CLVS1: variants seen among roughly 807,000 people sequenced by gnomAD.
CLVS1 encodes the protein clavesin-1.
Under a neutral mutation model 33.1 loss-of-function variants are expected in CLVS1, and 10 were observed. The ratio of observed to expected loss-of-function variants is 0.30; its 90% CI spans 0.19 to 0.51. CLVS1 has a LOEUF of 0.51. Ranked by LOEUF, CLVS1 falls within the 20% of genes least tolerant of loss-of-function variation. The pLI is 0.97. For synonymous variants in CLVS1, 163 were observed against 166.1 expected (o/e 0.98, Z 0.14); for missense variants, 343 against 433.4 (o/e 0.79, Z 1.85).
intron 2 of CLVS1, among the ~76,000 whole-genome samples, chr8:61,146,199 CTTG>C (rs977313492): frequency 7.2e-5 from 11 of 152,176 alleles, no homozygotes; most frequent in African/African-American, 2.7e-4. Context: ...AGGACTTCAG[CTTG>C]TTATTAGCTG....
intron 2 of CLVS1, among the ~76,000 whole-genome samples, chr8:61,339,360 T>C (rs1392626268): frequency 6.6e-6 from 1 of 152,148 alleles, no homozygotes; most frequent in Middle Eastern, 3.2e-3. Flanking sequence ...CAGGTTTTAA[T>C]ACGCTTGGAA....
At chr8:61,291,580 T>G (rs1297622563) in intron 1 of CLVS1, among the ~76,000 whole-genome samples, 1 of 152,114 alleles carries the variant, frequency 6.6e-6, no homozygotes, top group Non-Finnish European at 1.5e-5. Context: ...AATTACAGGA[T>G]CTGTACATAA....
intron 2 of CLVS1, among the ~76,000 whole-genome samples, chr8:61,274,375 C>T (rs1048318218): frequency 2.9e-4 from 44 of 152,144 alleles, no homozygotes; most frequent in African/African-American, 8.4e-4. Flanking sequence ...TGGAAATTAG[C>T]TCTATTTCCC....
intron 1 of CLVS1, among the ~76,000 whole-genome samples, chr8:61,101,871 A>C (rs528807390): frequency 1.3e-5 from 2 of 150,324 alleles, no homozygotes; most frequent in South Asian, 4.2e-4. Flanking sequence ...CTATTCTTTT[A>C]TCATTTAGTC....
chr8:61,073,809 G>A (rs1240017149), intron 1 of CLVS1, among the ~76,000 whole-genome samples: 2 of 147,620 alleles, frequency 1.4e-5, no homozygotes, highest in Admixed American at 6.8e-5. Flanking sequence ...TCAGGAGATC[G>A]AGACCATCCT....
At chr8:60,990,835 A>G in the CLVS1 span, among the ~76,000 whole-genome samples, 1 of 151,748 alleles carries the variant, frequency 6.6e-6, no homozygotes, top group Admixed American at 6.6e-5. Context: ...CAGCCTCCCG[A>G]ATAGCTGGGA....
intron 2 of CLVS1, among the ~76,000 whole-genome samples, chr8:61,163,445 T>C (rs1015801220): frequency 1.3e-5 from 2 of 152,200 alleles, no homozygotes; most frequent in African/African-American, 4.8e-5. Context: ...ATGGATCTTT[T>C]GACTTAGAAA....
the CLVS1 span, among the ~76,000 whole-genome samples, chr8:61,029,008 G>C: frequency 6.6e-6 from 1 of 152,170 alleles, no homozygotes; most frequent in Non-Finnish European, 1.5e-5. Context: ...CCCCAGCCTA[G>C]GGTTCTTGTT....
chr8:60,978,504 A>G, the CLVS1 span, among the ~76,000 whole-genome samples: 3 of 152,204 alleles, frequency 2.0e-5, no homozygotes, highest in Non-Finnish European at 1.5e-5. Flanking sequence ...TTGTAATCCC[A>G]AGGTAACCAC....
rs148123746 is a variant in CLVS1 at position 61,094,788 on chromosome 8, C to A, written c.-242-36982C>A. Reference sequence around the variant, plus strand: ...GAGAGAGGCCTCAGATAAATGAAACCTGCTGACACCTTGATCTTGGACTTC... The same window carrying A: ...GAGAGAGGCCTCAGATAAATGAAACATGCTGACACCTTGATCTTGGACTTC... On this transcript the variant is annotated intron_variant, in intron 1 of 2. Transcript: ENST00000522621. Among the ~76,000 whole-genome samples, 1,125 of 152,240 alleles carry A rather than the reference C, an allele frequency of 7.4e-3. 9 individuals carry two copies. Among genetic ancestry groups the A allele is most frequent in the African/African-American group, 0.026 (1,060 of 41,530 alleles).
At chr8:61,366,904 T>C (rs570783153) in intron 2 of CLVS1, among the ~76,000 whole-genome samples, 2 of 152,256 alleles carry the variant, frequency 1.3e-5, no homozygotes, top group South Asian at 4.1e-4. Context: ...TATCAAGTAA[T>C]GTTAATATTA....
At chr8:61,028,751 C>T in the CLVS1 span, among the ~76,000 whole-genome samples, 1 of 152,190 alleles carries the variant, frequency 6.6e-6, no homozygotes, top group Non-Finnish European at 1.5e-5. Context: ...TGATCCCAAG[C>T]AAACCACTAG....
the CLVS1 span, among the ~76,000 whole-genome samples, chr8:61,035,918 A>T: frequency 6.6e-6 from 1 of 152,150 alleles, no homozygotes; most frequent in East Asian, 1.9e-4. Flanking sequence ...AATCAATGAC[A>T]CTTTTGCGTG....
intron 2 of CLVS1, among the ~76,000 whole-genome samples, chr8:61,165,042 C>G (rs992699205): frequency 6.6e-6 from 1 of 152,188 alleles, no homozygotes; most frequent in African/African-American, 2.4e-5. Flanking sequence ...CTATTAGAAG[C>G]CGTGGGTCAC....
At chr8:61,364,555 G>T (rs1010421580) in intron 2 of CLVS1, among the ~76,000 whole-genome samples, 17 of 152,132 alleles carry the variant, frequency 1.1e-4, no homozygotes, top group African/African-American at 4.1e-4. Context: ...TTGATTGCCT[G>T]CCTCTGTTTA....
the CLVS1 span, among the ~76,000 whole-genome samples, chr8:60,980,990 G>C: frequency 6.6e-6 from 1 of 152,184 alleles, no homozygotes. Flanking sequence ...ACGGCCACAG[G>C]GGGAGGGATG....
chr8:61,315,048 T>G (rs1810965252), intron 2 of CLVS1, among the ~76,000 whole-genome samples: 1 of 152,184 alleles, frequency 6.6e-6, no homozygotes, highest in South Asian at 2.1e-4. Context: ...CACTGCAGCA[T>G]CTGTTTGGGG....
the CLVS1 span, among the ~76,000 whole-genome samples, chr8:60,993,365 C>G: frequency 6.6e-6 from 1 of 152,230 alleles, no homozygotes; most frequent in African/African-American, 2.4e-5. Flanking sequence ...GAATTTGGCT[C>G]TAGCACCGGG....
intron 2 of CLVS1, among the ~76,000 whole-genome samples, chr8:61,350,880 C>A (rs190809496): frequency 2.0e-4 from 30 of 152,242 alleles, no homozygotes; most frequent in East Asian, 9.7e-4. Flanking sequence ...TGATTATATA[C>A]CGCCACTCTG....
Sources: allele counts gnomAD v4.1 joint callset (sites outside exome capture counted in the v4.1 genomes callset), GRCh38; gene constraint gnomAD v4.1.1; transcripts MANE v1.5; gene names NCBI Gene and HGNC (gene_info 2026-07-23, HGNC 2026-07-21).